Variants in OR8D4 observed in about 807,000 individuals in gnomAD.
The protein encoded by OR8D4 is olfactory receptor family 8 subfamily D member 4, also known as olfactory receptor 8D4.
For synonymous variants in OR8D4, 141 were observed against 134.8 expected, an observed-to-expected ratio of 1.05 and a Z score of -0.32; for missense variants, 359 against 372.6, an observed-to-expected ratio of 0.96 and a Z score of 0.30.
intron 1 of OR8D4, among the ~76,000 whole-genome samples, chr11:123,903,889 T>G (rs1316773713): frequency 6.6e-6 from 1 of 152,216 alleles, no homozygotes; most frequent in African/African-American, 2.4e-5. Context: ...AAGGCTTTCC[T>G]TGAGAAGATG....
Position 123,906,801 on chromosome 11 carries a change from G to T in OR8D4, c.370G>T (p.Val124Leu). 1 of 1,613,824 alleles carries T rather than the reference G, an allele frequency of 6.2e-7. No individual in the cohort carries two copies. Among genetic ancestry groups the T allele is most frequent in the Non-Finnish European group, 8.5e-7 (1 of 1,179,870 alleles). The change falls in exon 2 of 2, where the codon GTG (valine) becomes TTG (leucine). Residue 124 changes from valine (V) to leucine (L), a missense_variant. Physicochemically the swap from Val to Leu is conservative, Grantham distance 32. Transcript: ENST00000641687. ...GGCAGCCATGGCCTGCGATCGCTACGTGGCCATCTGCAGCCCACTGCTCTA... is the reference window on the plus strand; with the variant it reads ...GGCAGCCATGGCCTGCGATCGCTACTTGGCCATCTGCAGCCCACTGCTCTA... ...MLAAMACDRY[V>L]AICSPLLYRV...
chr11:123,907,471 G>T lies in OR8D4; in HGVS notation c.*95G>T, dbSNP rs1032749427. On this transcript the variant is annotated 3_prime_UTR_variant, in exon 2 of 2. Transcript: ENST00000641687. ...TATTTAAAAGTAATTTGAGGTCCAGGTACGGTGACTTACGCCTGTAATCCC... is the reference window on the plus strand; with the variant it reads ...TATTTAAAAGTAATTTGAGGTCCAGTTACGGTGACTTACGCCTGTAATCCC... 2 of 606,084 alleles carry T rather than the reference G, an allele frequency of 3.3e-6. No individual in the cohort carries two copies. Among genetic ancestry groups the T allele is most frequent in the African/African-American group, 1.9e-5 (1 of 52,894 alleles). The allele number at this position is 606,084 out of a possible 1,614,324, so 37.5% of individuals were successfully genotyped here.
chr11:123,904,837 T>C (rs773501413), intron 1 of OR8D4, among the ~76,000 whole-genome samples: 5 of 152,178 alleles, frequency 3.3e-5, no homozygotes, highest in Non-Finnish European at 7.3e-5. Flanking sequence ...CAAGAAGACA[T>C]GAACAGCTTA....
rs767300852 is a variant in OR8D4 at position 123,907,140 on chromosome 11, G to A, written c.709G>A (p.Ala237Thr). ...RIHSKKGRCK[A>T]FSTCSSHLTA... ...CCACTCTAAAAAGGGCAGGTGCAAA[G>A]CGTTTAGCACCTGTAGCTCCCACCT... Residue 237 changes from alanine (A) to threonine (T), a missense_variant, in exon 2 of 2, where the codon GCG becomes ACG. Ala to Thr is a moderately conservative substitution (Grantham distance 58, BLOSUM62 0). Transcript: ENST00000641687. The A allele has an allele frequency of 1.9e-6, 3 of 1,613,508 alleles. No individual in the cohort carries two copies. The African/African-American group carries it at 4.0e-5, about 22-fold the overall frequency.
In OR8D4 at chr11:123,907,467, C is replaced by T. The variant is rs1863214677; in HGVS notation, c.*91C>T. On this transcript the variant is annotated 3_prime_UTR_variant, in exon 2 of 2. Transcript: ENST00000641687. ...TGACTATTTAAAAGTAATTTGAGGT[C>T]CAGGTACGGTGACTTACGCCTGTAA... 1.6e-6 allele frequency: 1 copy of T among 611,048 alleles called. No individual in the cohort carries two copies. Among genetic ancestry groups the T allele is most frequent in the Non-Finnish European group, 2.8e-6 (1 of 360,660 alleles). The allele number at this position is 611,048 out of a possible 1,614,324, so 37.9% of individuals were successfully genotyped here. A position where few individuals can be genotyped will look rare whatever the true frequency, so the allele number is the denominator to read the frequency against.
At position 123,908,310 on chromosome 11, in the gene OR8D4, C is replaced by T. The variant is rs965101696; in HGVS notation, c.*934C>T. 1 of 151,916 alleles carries T rather than the reference C, an allele frequency of 6.6e-6. No homozygotes were observed. Among genetic ancestry groups the T allele is most frequent in the African/African-American group, 2.4e-5 (1 of 41,344 alleles). 9.4% of individuals were successfully genotyped at this position (151,916 alleles called of 1,614,324 possible). On this transcript the variant is annotated 3_prime_UTR_variant, in exon 2 of 2. Coordinates refer to ENST00000641687, the MANE Select transcript of OR8D4 (RefSeq NM_001005197.2). ...CCAGTATATGTGCAGTATTTTGTAA[C>T]TTTCTGTTTGTTTCTTTTGAGTTGG...
chr11:123,906,891 A>G lies in OR8D4; in HGVS notation c.460A>G (p.Thr154Ala). ...GGCTGCTGTCTTCTCAGTAGGTTTC[A>G]CTGATGCTGTGATCCATGGAGGTTG... ...LVAAVFSVGF[T>A]DAVIHGGCIL... The change falls in exon 2 of 2, where the codon ACT (threonine) becomes GCT (alanine). Residue 154 changes from threonine (T) to alanine (A), a missense_variant. By Grantham distance (58) the Thr-to-Ala change is moderately conservative. Transcript: ENST00000641687. 3 of 1,613,978 alleles carry G rather than the reference A, an allele frequency of 1.9e-6. No individual in the cohort carries two copies. Among genetic ancestry groups the G allele is most frequent in the Non-Finnish European group, 2.5e-6 (3 of 1,179,944 alleles).
chr11:123,903,818 T>C (rs1056360736), intron 1 of OR8D4, among the ~76,000 whole-genome samples: 2 of 152,212 alleles, frequency 1.3e-5, no homozygotes, highest in African/African-American at 4.8e-5. Context: ...ATCTGTGAGT[T>C]TTCAAATAGG....
In OR8D4 at chr11:123,908,287, A is replaced by G. The variant is rs1289583101; in HGVS notation, c.*911A>G. 1.3e-5 allele frequency: 2 copies of G among 152,190 alleles called. No individual in the cohort carries two copies. The allele number at this position is 152,190 out of a possible 1,614,324, so 9.4% of individuals were successfully genotyped here. ...TGTCTTGTTTTTTTTCAGCATGACC[A>G]GTATATGTGCAGTATTTTGTAACTT... On this transcript the variant is annotated 3_prime_UTR_variant, in exon 2 of 2. Transcript: ENST00000641687.
intron 1 of OR8D4, among the ~76,000 whole-genome samples, chr11:123,903,562 C>T (rs1026042160): frequency 1.3e-5 from 2 of 152,066 alleles, no homozygotes; most frequent in African/African-American, 4.8e-5. Flanking sequence ...CCACCTGAGT[C>T]CTGAATGAGG....
In OR8D4 at chr11:123,907,128, G is replaced by C; in HGVS notation, c.697G>C (p.Gly233Arg). The change falls in exon 2 of 2, where the codon GGC (glycine) becomes CGC (arginine). Residue 233 changes from glycine (G) to arginine (R), a missense_variant. Coordinates refer to ENST00000641687, the MANE Select transcript of OR8D4 (RefSeq NM_001005197.2). ...CATCCTGCGCATCCACTCTAAAAAG[G>C]GCAGGTGCAAAGCGTTTAGCACCTG... The part of the protein sequence containing the change: ...TSILRIHSKK[G>R]RCKAFSTCSS... 6.2e-7 allele frequency: 1 copy of C among 1,613,854 alleles called. No individual in the cohort carries two copies. Among genetic ancestry groups the C allele is most frequent in the Non-Finnish European group, 8.5e-7 (1 of 1,179,880 alleles).
Position 123,907,142 on chromosome 11 carries a change from G to A in OR8D4, c.711G>A (p.Ala237=), listed in dbSNP as rs568693746. The change falls in exon 2 of 2, where the codon GCG becomes GCA. Residue 237 remains alanine (A), a synonymous_variant. Coordinates refer to ENST00000641687, the MANE Select transcript of OR8D4 (RefSeq NM_001005197.2). ...ACTCTAAAAAGGGCAGGTGCAAAGC[G>A]TTTAGCACCTGTAGCTCCCACCTGA... The part of the protein sequence containing the change: ...RIHSKKGRCK[A]FSTCSSHLTA... 56 of 1,613,914 alleles carry A rather than the reference G, an allele frequency of 3.5e-5. 1 individual carries two copies. In the South Asian group the frequency reaches 5.2e-4, roughly 15 times the overall value.
chr11:123,907,238 C>G lies in OR8D4; in HGVS notation c.807C>G (p.Thr269=), dbSNP rs750894709. ...YLKPASSSSL[T]QEKVSSVFYT... ...AACCTGCTTCTAGCAGTTCACTCAC[C>G]CAGGAGAAAGTATCCTCAGTATTTT... The change falls in exon 2 of 2, where the codon ACC becomes ACG. Residue 269 remains threonine (T), a synonymous_variant. Transcript: ENST00000641687. 9.9e-6 allele frequency: 16 copies of G among 1,613,196 alleles called. No individual in the cohort carries two copies. The South Asian group carries it at 1.8e-4, about 18-fold the overall frequency.
In OR8D4 at chr11:123,908,006, A is replaced by G. The variant is rs1171569158; in HGVS notation, c.*630A>G. ...TGCATAGTCATATCAGAAGAAAACC[A>G]CACCTAATTTCAAAAAAAATTGAGC... On this transcript the variant is annotated 3_prime_UTR_variant, in exon 2 of 2. Coordinates refer to ENST00000641687, the MANE Select transcript of OR8D4 (RefSeq NM_001005197.2). 1 of 152,118 alleles carries G rather than the reference A, an allele frequency of 6.6e-6. No individual in the cohort carries two copies. Among genetic ancestry groups the G allele is most frequent in the Non-Finnish European group, 1.5e-5 (1 of 68,020 alleles). 9.4% of individuals were successfully genotyped at this position (152,118 alleles called of 1,614,324 possible).
In OR8D4 at chr11:123,906,917, T is replaced by C. The variant is rs1863206974; in HGVS notation, c.486T>C (p.Cys162=). The C allele has an allele frequency of 6.2e-7, 1 of 1,614,064 alleles. No homozygotes were observed. Among genetic ancestry groups the C allele is most frequent in the African/African-American group, 1.3e-5 (1 of 75,040 alleles). Residue 162 remains cysteine (C), a synonymous_variant, in exon 2 of 2, where the codon TGT becomes TGC. Transcript: ENST00000641687. ...CTGATGCTGTGATCCATGGAGGTTG[T>C]ATACTCAGGTTGTCTTTCTGTGGAT... is the stretch of plus-strand genomic sequence containing the variant. ...GFTDAVIHGG[C]ILRLSFCGSN... is the part of the protein sequence containing the mutation.
rs1253151185 is a variant in OR8D4, at chr11:123,909,151, AT to A, written c.*1779del. ...GGGTACTTTTGATGCTGTTAAACTT[AT>A]TTTGGTAAGAAACAATGTGATTTTA... On this transcript the variant is annotated 3_prime_UTR_variant, in exon 2 of 2. Coordinates refer to ENST00000641687, the MANE Select transcript of OR8D4 (RefSeq NM_001005197.2). The A allele has an allele frequency of 2.6e-5, 4 of 152,270 alleles. No individual in the cohort carries two copies. Among genetic ancestry groups the A allele is most frequent in the Admixed American group, 6.5e-5 (1 of 15,292 alleles). 9.4% of individuals were successfully genotyped at this position (152,270 alleles called of 1,614,324 possible). A position where few individuals can be genotyped will look rare whatever the true frequency, so the allele number is the denominator to read the frequency against.
At position 123,909,144 on chromosome 11, in the gene OR8D4, T is replaced by C. The variant is rs1247616843; in HGVS notation, c.*1768T>C. 2 of 152,140 alleles carry C rather than the reference T, an allele frequency of 1.3e-5. No individual in the cohort carries two copies. Among genetic ancestry groups the C allele is most frequent in the Non-Finnish European group, 2.9e-5 (2 of 68,010 alleles). The allele number at this position is 152,140 out of a possible 1,614,324, so 9.4% of individuals were successfully genotyped here. ...GCAGAGAGGGTACTTTTGATGCTGT[T>C]AAACTTATTTTGGTAAGAAACAATG... is the stretch of plus-strand genomic sequence containing the variant. On this transcript the variant is annotated 3_prime_UTR_variant, in exon 2 of 2. Transcript: ENST00000641687.
intron 1 of OR8D4, among the ~76,000 whole-genome samples, chr11:123,904,916 A>G (rs1295736366): frequency 6.6e-6 from 1 of 152,212 alleles, no homozygotes. Flanking sequence ...TTGGGCAAAT[A>G]TGAGAGTCTG....
intron 1 of OR8D4, 87 bp from the exon 2 acceptor site, chr11:123,906,330 T>C: frequency 2.5e-6 from 2 of 810,672 alleles, no homozygotes; most frequent in Non-Finnish European, 3.8e-6. Flanking sequence ...ACAAAGTCAG[T>C]GTTTTCATAG....
Sources: allele counts gnomAD v4.1 joint callset (sites outside exome capture counted in the v4.1 genomes callset), GRCh38; gene constraint gnomAD v4.1.1; transcripts MANE v1.5; gene names NCBI Gene and HGNC (gene_info 2026-07-23, HGNC 2026-07-21).